The following LAT variants were observed in gnomAD, a reference collection of about 807,000 sequenced individuals.
LAT encodes linker for activation of T-cells family member 1.
Under a neutral mutation model 39.1 loss-of-function variants are expected in LAT, and 12 were observed. That is an observed-to-expected ratio of 0.31 (90% CI 0.20 to 0.50). LAT has a LOEUF of 0.50. Among genes scored for constraint, LAT ranks in the 20% least tolerant of loss-of-function variants. The probability of loss-of-function intolerance (pLI) is 0.98; values close to 1 mark genes in which losing one functional copy is unlikely to be tolerated. For synonymous variants in LAT, 117 were observed against 123.8 expected, an observed-to-expected ratio of 0.95 and a Z score of 0.36; for missense variants, 253 against 308.0, an observed-to-expected ratio of 0.82 and a Z score of 1.34.
At chr16:28,987,365 CT>C (rs1435082661) in intron 8 of LAT, among the ~76,000 whole-genome samples, 2 of 152,092 alleles carry the variant, frequency 1.3e-5, no homozygotes, top group African/African-American at 4.8e-5. Context: ...TCTGGCTGTT[CT>C]TTTTTTATAG....
chr16:28,990,327 T>C lies in LAT; in HGVS notation c.*146T>C, dbSNP rs41280850. On this transcript the variant is annotated 3_prime_UTR_variant, in exon 12 of 12. Transcript: ENST00000395456. ...GCCTGAGAAATCCCCCCGTAACTTA[T>C]TATCACTTTGGGGTTCGGCCTGTGT... 1.7e-6 allele frequency: 1 copy of C among 588,460 alleles called. No homozygotes were observed. The highest frequency in any genetic ancestry group is 3.2e-6 in the Non-Finnish European group (1 of 313,530). 36.5% of individuals were successfully genotyped at this position (588,460 alleles called of 1,614,324 possible).
In LAT at chr16:28,985,208, T is replaced by G. The variant is rs571062779; in HGVS notation, c.-210T>G. On this transcript the variant is annotated 5_prime_UTR_variant, in exon 1 of 12. Transcript: ENST00000395456. This position sits in a 1 kb window ranked among gnomAD's most constrained non-coding sequence, Gnocchi z 4.6. ...GGAGCAGGGACTTTCCACAGTCAGC[T>G]GGACGCACACTCAGCCCAGTAAAAG... is the stretch of plus-strand genomic sequence containing the variant. 1.4e-6 allele frequency: 2 copies of G among 1,431,366 alleles called. No homozygotes were observed. Among genetic ancestry groups the G allele is most frequent in the Non-Finnish European group, 1.8e-6 (2 of 1,097,334 alleles). The allele number at this position is 1,431,366 out of a possible 1,614,324, so 88.7% of individuals were successfully genotyped here.
At chr16:28,989,253 T>G in intron 8 of LAT, 2 of 410,462 alleles carry the variant, frequency 4.9e-6, no homozygotes, top group East Asian at 4.2e-5. Flanking sequence ...GCCTGACCCT[T>G]TGTGAGCTCT....
In LAT at chr16:28,985,734, C is replaced by T; in HGVS notation, c.122C>T (p.Ser41Leu). 1 of 1,614,114 alleles carries T rather than the reference C, an allele frequency of 6.2e-7. No individual in the cohort carries two copies. Among genetic ancestry groups the T allele is most frequent in the Non-Finnish European group, 8.5e-7 (1 of 1,180,008 alleles). Residue 41 changes from serine (S) to leucine (L), a missense_variant, in exon 2 of 12, where the codon TCA (serine) becomes TTA (leucine). Coordinates refer to ENST00000395456, the MANE Select transcript of LAT (RefSeq NM_001014987.2). The surrounding 1 kb of genome is among the most constrained non-coding windows in gnomAD (Gnocchi z 4.6). ...RLPGSYDSTS[S>L]DSLYPRGIQF... is the part of the protein sequence containing the mutation. The stretch of plus-strand genomic sequence containing the variant: ...CCAGGCTCCTACGACAGCACATCCT[C>T]AGATAGGTGAGTCCGCCCCAGCCGC...
At chr16:28,989,723 C>A in intron 9 of LAT, 51 bp from the exon 10 acceptor site, 1 of 1,606,208 alleles carries the variant, frequency 6.2e-7, no homozygotes. Flanking sequence ...TGCTCTCTCG[C>A]CCTCCTGACC....
At chr16:28,987,202 G>A (rs1020100503) in intron 8 of LAT, among the ~76,000 whole-genome samples, 1 of 152,180 alleles carries the variant, frequency 6.6e-6, no homozygotes, top group Non-Finnish European at 1.5e-5. Flanking sequence ...GAGCCACCAT[G>A]CCCGGCCCTG....
Position 28,986,337 on chromosome 16 carries a change from C to T in LAT, c.246-45C>T, listed in dbSNP as rs372388377. 90 of 1,603,242 alleles carry T rather than the reference C, an allele frequency of 5.6e-5. No homozygotes were observed. In the Middle Eastern group the frequency reaches 1.2e-3, roughly 21 times the overall value. ...TTTCCCTTTTGCAACTGCTGTTGCCCCCTGAGCCCCACCTCAGGCATGACC... is the reference window on the plus strand; with the variant it reads ...TTTCCCTTTTGCAACTGCTGTTGCCTCCTGAGCCCCACCTCAGGCATGACC... On this transcript the variant is annotated intron_variant, in intron 4 of 11. Coordinates refer to ENST00000395456, the MANE Select transcript of LAT (RefSeq NM_001014987.2). This position sits in a 1 kb window ranked among gnomAD's most constrained non-coding sequence, Gnocchi z 5.7.
chr16:28,989,393 T>C lies in LAT; in HGVS notation c.494-134T>C, dbSNP rs933685664. 1.1e-5 allele frequency: 8 copies of C among 712,024 alleles called. No homozygotes were observed. The African/African-American group carries it at 1.4e-4, about 13-fold the overall frequency. 44.1% of individuals were successfully genotyped at this position (712,024 alleles called of 1,614,324 possible). On this transcript the variant is annotated intron_variant, in intron 8 of 11. Coordinates refer to ENST00000395456, the MANE Select transcript of LAT (RefSeq NM_001014987.2). ...CCCTCTCTTCATTCTGTGGGGCTAA[T>C]GGGGGTGGCTGTGTGGGAAGCCTCT...
rs1311992727 is a variant in LAT at position 28,985,390 on chromosome 16, A to T, written c.-28A>T. ...CTGCCCTTGAGGGGCCTAGGGGTGC[A>T]GCCAGCCTGCTCCGAGCTCCCCTGC... On this transcript the variant is annotated 5_prime_UTR_variant, in exon 1 of 12. Transcript: ENST00000395456. This position sits in a 1 kb window ranked among gnomAD's most constrained non-coding sequence, Gnocchi z 4.6. The T allele has an allele frequency of 6.2e-7, 1 of 1,612,354 alleles. No individual in the cohort carries two copies. Among genetic ancestry groups the T allele is most frequent in the Non-Finnish European group, 8.5e-7 (1 of 1,179,742 alleles).
chr16:28,984,930 G>A, upstream of LAT: 5 of 1,542,464 alleles, frequency 3.2e-6, no homozygotes, highest in Non-Finnish European at 4.4e-6. Flanking sequence ...GACCCTTGGT[G>A]AGTGCCTGGG....
Position 28,986,843 on chromosome 16 carries a change from C to T in LAT, c.443C>T (p.Pro148Leu), listed in dbSNP as rs781501862. Residue 148 changes from proline (P) to leucine (L), a missense_variant, in exon 8 of 12, where the codon CCA becomes CTA. By Grantham distance (98) the Pro-to-Leu change is moderately conservative (BLOSUM62 -3). Coordinates refer to ENST00000395456, the MANE Select transcript of LAT (RefSeq NM_001014987.2). This position sits in a 1 kb window ranked among gnomAD's most constrained non-coding sequence, Gnocchi z 5.7. Reference sequence around the variant, plus strand: ...ACCCCGGCCACTAGCACTGCTGCCCCATCAGCTCCTGCACTCAGCACCCCT... The same window carrying T: ...ACCCCGGCCACTAGCACTGCTGCCCTATCAGCTCCTGCACTCAGCACCCCT... Reference protein sequence around the residue: ...DSTPATSTAAPSAPALSTPGI... With the variant: ...DSTPATSTAALSAPALSTPGI... 5 of 1,614,148 alleles carry T rather than the reference C, an allele frequency of 3.1e-6. No individual in the cohort carries two copies. The South Asian group carries it at 4.4e-5, about 14-fold the overall frequency.
chr16:28,984,968 T>G (rs761802878), upstream of LAT: 1 of 1,467,868 alleles, frequency 6.8e-7, no homozygotes, highest in South Asian at 1.3e-5. Context: ...TCCTGCCCCC[T>G]CCCCACTGGC....
In LAT at chr16:28,986,344, C is replaced by T. The variant is rs747381905; in HGVS notation, c.246-38C>T. 7 of 1,605,626 alleles carry T rather than the reference C, an allele frequency of 4.4e-6. No homozygotes were observed. In the Admixed American group the frequency reaches 1.0e-4, roughly 23 times the overall value. On this transcript the variant is annotated intron_variant, in intron 4 of 11. Transcript: ENST00000395456. This position sits in a 1 kb window ranked among gnomAD's most constrained non-coding sequence, Gnocchi z 5.7. ...TTTGCAACTGCTGTTGCCCCCTGAG[C>T]CCCACCTCAGGCATGACCCCTGACC...
In LAT at chr16:28,986,814, C is replaced by T. The variant is rs146777044; in HGVS notation, c.414C>T (p.Asp138=). Residue 138 remains aspartate, a synonymous_variant, in exon 8 of 12, where the codon GAC becomes GAT. Coordinates refer to ENST00000395456, the MANE Select transcript of LAT (RefSeq NM_001014987.2). This position sits in a 1 kb window ranked among gnomAD's most constrained non-coding sequence, Gnocchi z 5.7. ...TTCCTTTCAGGGTGGTGCTTCCTGA[C>T]AGCACCCCGGCCACTAGCACTGCTG... The part of the protein sequence containing the change: ...HNPGYLVVLP[D]STPATSTAAP... The T allele has an allele frequency of 1.2e-5, 20 of 1,613,942 alleles. No homozygotes were observed. In the African/African-American group the frequency reaches 2.5e-4, roughly 20 times the overall value.
At chr16:28,988,357 T>C (rs751692134) in intron 8 of LAT, 1 of 152,432 alleles carries the variant, frequency 6.6e-6, no homozygotes, top group Non-Finnish European at 1.5e-5. Context: ...ATGTGGTTGG[T>C]TAGTGCTGGA....
chr16:28,985,909 C>T lies in LAT; in HGVS notation c.163+21C>T, dbSNP rs190031582. 5.0e-6 allele frequency: 8 copies of T among 1,613,612 alleles called. No homozygotes were observed. The African/African-American group carries it at 1.1e-4, about 22-fold the overall frequency. On this transcript the variant is annotated intron_variant, in intron 3 of 11. Transcript: ENST00000395456. This position sits in a 1 kb window ranked among gnomAD's most constrained non-coding sequence, Gnocchi z 4.6. ...GCCTCGTGAGTACAAGGAGGGTCCC[C>T]TACCTTGGGTGCCAGGGAGAGGGTC...
In LAT at chr16:28,986,874, C is replaced by T. The variant is rs745402667; in HGVS notation, c.474C>T (p.Ile158=). The change falls in exon 8 of 12, where the codon ATC becomes ATT. Residue 158 remains isoleucine (I), a synonymous_variant. Transcript: ENST00000395456. The surrounding 1 kb of genome is among the most constrained non-coding windows in gnomAD (Gnocchi z 5.7). The part of the protein sequence containing the change: ...PSAPALSTPG[I]RDSAFSMESI... Reference sequence around the variant, plus strand: ...CTCCTGCACTCAGCACCCCTGGCATCCGAGACAGTGCCTTCTCCAGTGAGT... The same window carrying T: ...CTCCTGCACTCAGCACCCCTGGCATTCGAGACAGTGCCTTCTCCAGTGAGT... The T allele has an allele frequency of 3.1e-6, 5 of 1,613,860 alleles. No homozygotes were observed. The East Asian group carries it at 1.1e-4, about 36-fold the overall frequency.
Position 28,986,844 on chromosome 16 carries a change from A to G in LAT, c.444A>G (p.Pro148=). Residue 148 remains proline, a synonymous_variant, in exon 8 of 12, where the codon CCA becomes CCG. Transcript: ENST00000395456. The surrounding 1 kb of genome is among the most constrained non-coding windows in gnomAD (Gnocchi z 5.7). The stretch of plus-strand genomic sequence containing the variant: ...CCCCGGCCACTAGCACTGCTGCCCC[A>G]TCAGCTCCTGCACTCAGCACCCCTG... ...DSTPATSTAA[P]SAPALSTPGI... 6.2e-7 allele frequency: 1 copy of G among 1,613,964 alleles called. No homozygotes were observed. The highest frequency in any genetic ancestry group is 8.5e-7 in the Non-Finnish European group (1 of 1,179,978).
rs1339764220 is a variant in LAT at position 28,986,452 on chromosome 16, T to C, written c.310+6T>C. 6.2e-7 allele frequency: 1 copy of C among 1,613,478 alleles called. No homozygotes were observed. Among genetic ancestry groups the C allele is most frequent in the Non-Finnish European group, 8.5e-7 (1 of 1,179,854 alleles). On this transcript the variant is annotated splice_donor_region_variant and intron_variant, in intron 5 of 11. Coordinates refer to ENST00000395456, the MANE Select transcript of LAT (RefSeq NM_001014987.2). This position sits in a 1 kb window ranked among gnomAD's most constrained non-coding sequence, Gnocchi z 5.7. ...CCGGCGGGATTCTGATGGTGGTAAG[T>C]GTGGGGAAGGGTTCAGGCGGCGGGG...
Sources: allele counts gnomAD v4.1 joint callset (sites outside exome capture counted in the v4.1 genomes callset), GRCh38; gene constraint gnomAD v4.1.1; non-coding constraint Gnocchi (gnomAD v3.1); transcripts MANE v1.5; gene names NCBI Gene and HGNC (gene_info 2026-07-23, HGNC 2026-07-21).